TRIM62: variants seen among roughly 807,000 people sequenced by gnomAD.
The protein encoded by TRIM62 is E3 ubiquitin-protein ligase TRIM62.
A neutral mutation model predicts 44.2 loss-of-function variants in TRIM62; 39 were observed. That is an observed-to-expected ratio of 0.88 (90% CI 0.68 to 1.15). TRIM62 has a LOEUF of 1.15. Ranked by LOEUF, TRIM62 falls within the 50% of genes most tolerant of loss-of-function variation. The probability of loss-of-function intolerance (pLI) is 0.00; values close to 1 mark genes in which losing one functional copy is unlikely to be tolerated. For synonymous variants in TRIM62, 278 were observed against 292.3 expected (o/e 0.95, Z 0.50); for missense variants, 544 against 665.5 (o/e 0.82, Z 2.01).
chr1:33,166,869 T>C (rs1645333356), intron 1 of TRIM62, among the ~76,000 whole-genome samples: 2 of 152,228 alleles, frequency 1.3e-5, no homozygotes, highest in Non-Finnish European at 2.9e-5. Flanking sequence ...TTGTTTGAAA[T>C]GTTGAATTTT....
At chr1:33,180,233 A>T (rs987627425) in intron 1 of TRIM62, among the ~76,000 whole-genome samples, 1 of 151,668 alleles carries the variant, frequency 6.6e-6, no homozygotes, top group Non-Finnish European at 1.5e-5. Flanking sequence ...ACCTCTAGAG[A>T]CTCCTAGAGG....
chr1:33,152,573 GAA>G lies in TRIM62; in HGVS notation c.878-4848_878-4847del, dbSNP rs34380913. Among the ~76,000 whole-genome samples the G allele has an allele frequency of 3.8e-3, 387 of 102,834 alleles. 1 individual carries two copies. The highest frequency in any genetic ancestry group is 0.013 in the African/African-American group (329 of 25,178). The allele number at this position is 102,834 out of a possible 152,430, so 67.5% of individuals were successfully genotyped here. On this transcript the variant is annotated intron_variant, in intron 4 of 4. Coordinates refer to ENST00000291416, the MANE Select transcript of TRIM62 (RefSeq NM_018207.3). ...CAAGAGTGAAACTCCGTCTCAAAAAGAAAAAAAAAAAAAAAAAAGACTGGGGA... is the reference window on the plus strand; with the variant it reads ...CAAGAGTGAAACTCCGTCTCAAAAAGAAAAAAAAAAAAAAAAGACTGGGGA...
chr1:33,174,276 G>A (rs1645396688), intron 1 of TRIM62, among the ~76,000 whole-genome samples: 1 of 152,000 alleles, frequency 6.6e-6, no homozygotes, highest in Non-Finnish European at 1.5e-5. Flanking sequence ...CAACCTCCTG[G>A]GCTCAAGTGA....
chr1:33,151,356 C>A (rs112163113), intron 4 of TRIM62, among the ~76,000 whole-genome samples: 2 of 152,072 alleles, frequency 1.3e-5, no homozygotes, highest in Non-Finnish European at 2.9e-5. Context: ...GACTTCTATA[C>A]CCCAAGGGGT....
intron 4 of TRIM62, among the ~76,000 whole-genome samples, chr1:33,151,400 G>A (rs1050150709): frequency 3.3e-5 from 5 of 152,114 alleles, no homozygotes; most frequent in African/African-American, 1.2e-4. Context: ...CCTGGCTGAA[G>A]CCACCTCCAA....
chr1:33,166,814 C>T (rs1645332872), intron 1 of TRIM62, among the ~76,000 whole-genome samples: 1 of 152,222 alleles, frequency 6.6e-6, no homozygotes, highest in Non-Finnish European at 1.5e-5. Flanking sequence ...TCCTTTGTCT[C>T]AGGTTCCAGT....
chr1:33,179,776 T>G (rs1645446366), intron 1 of TRIM62, among the ~76,000 whole-genome samples: 1 of 152,136 alleles, frequency 6.6e-6, no homozygotes, highest in Non-Finnish European at 1.5e-5. Context: ...TGGATTTAAG[T>G]GATTTAGCTT....
intron 1 of TRIM62, among the ~76,000 whole-genome samples, chr1:33,170,962 G>A (rs573711964): frequency 4.1e-4 from 62 of 152,324 alleles, no homozygotes; most frequent in African/African-American, 1.2e-3. Flanking sequence ...ACTGTGTCCC[G>A]TATGCGGCTC....
At position 33,159,544 on chromosome 1, in the gene TRIM62, A is replaced by G. The variant is rs923475603; in HGVS notation, c.761+144T>C. The G allele has an allele frequency of 4.0e-6, 5 of 1,236,362 alleles. No homozygotes were observed. The highest frequency in any genetic ancestry group is 1.6e-5 in the South Asian group (1 of 64,002). 76.6% of individuals were successfully genotyped at this position (1,236,362 alleles called of 1,614,324 possible). On this transcript the variant is annotated intron_variant, in intron 3 of 4. Coordinates refer to ENST00000291416, the MANE Select transcript of TRIM62 (RefSeq NM_018207.3). The surrounding 1 kb of genome is among the most constrained non-coding windows in gnomAD (Gnocchi z 4.2). ...TACTCAAGGCTTCATGCTCCTACCC[A>G]TAGCAGATGTCCCGTAAATGTTTGA...
intron 2 of TRIM62, among the ~76,000 whole-genome samples, chr1:33,160,636 G>C (rs72885925): frequency 0.21 from 31,547 of 151,908 alleles, 3,488 homozygotes; most frequent in South Asian, 0.3. Flanking sequence ...AACACCTGAC[G>C]TTAGGTGATC....
rs1199939512 is a variant in TRIM62 at position 33,167,194 on chromosome 1, G to A, written c.409-1628C>T. On this transcript the variant is annotated intron_variant, in intron 1 of 4. Transcript: ENST00000291416. The surrounding 1 kb of genome is among the most constrained non-coding windows in gnomAD (Gnocchi z 4.2). ...GAAGAGTCTTGCCTGACCGCCCCACGCACAGTGGCACCTCCTCATACCCTG... is the reference window on the plus strand; with the variant it reads ...GAAGAGTCTTGCCTGACCGCCCCACACACAGTGGCACCTCCTCATACCCTG... 6.6e-6 allele frequency among the ~76,000 whole-genome samples: 1 copy of A among 152,090 alleles called. No homozygotes were observed. Among genetic ancestry groups the A allele is most frequent in the Non-Finnish European group, 1.5e-5 (1 of 68,012 alleles).
chr1:33,176,376 T>C (rs934194496), intron 1 of TRIM62: 6 of 679,838 alleles, frequency 8.8e-6, no homozygotes, highest in Non-Finnish European at 1.6e-5. Flanking sequence ...GGTGGCTGCC[T>C]TGGTGTCACT....
chr1:33,172,319 C>T (rs1404550171), intron 1 of TRIM62, among the ~76,000 whole-genome samples: 1 of 152,124 alleles, frequency 6.6e-6, no homozygotes, highest in Non-Finnish European at 1.5e-5. Context: ...CTTCAAGTCT[C>T]CAGGATGGGC....
intron 4 of TRIM62, among the ~76,000 whole-genome samples, chr1:33,155,525 G>A (rs939305129): frequency 1.2e-4 from 18 of 152,128 alleles, no homozygotes; most frequent in Admixed American, 3.3e-4. Context: ...TTCCTGGTGT[G>A]TGTGAGGTCA....
In TRIM62 at chr1:33,181,995, C is replaced by G. The variant is rs1645469457; in HGVS notation, c.-563G>C. ...CCCTGGCCCAGCGCGACCCCTTACC[C>G]CCGCGAGCTTAGCAGCCACCGCTTC... is the stretch of plus-strand genomic sequence containing the variant. On this transcript the variant is annotated 5_prime_UTR_variant, in exon 1 of 5. Transcript: ENST00000291416. This position sits in a 1 kb window ranked among gnomAD's most constrained non-coding sequence, Gnocchi z 6.5. The G allele has an allele frequency of 6.5e-6, 1 of 154,274 alleles. No individual in the cohort carries two copies. The highest frequency in any genetic ancestry group is 1.9e-4 in the South Asian group (1 of 5,274). 9.6% of individuals were successfully genotyped at this position (154,274 alleles called of 1,614,324 possible). A position where few individuals can be genotyped will look rare whatever the true frequency, so the allele number is the denominator to read the frequency against.
intron 1 of TRIM62, among the ~76,000 whole-genome samples, chr1:33,175,958 T>C (rs556339170): frequency 6.6e-6 from 1 of 152,336 alleles, no homozygotes; most frequent in East Asian, 1.9e-4. Flanking sequence ...CCTAAGCTTC[T>C]ACACTGTGGC....
rs1645469107 is a variant in TRIM62 at position 33,181,953 on chromosome 1, C to T, written c.-521G>A. ...GAGGGGTGCCGGCCCGCTCAGCTGC[C>T]GGATCCCGGCCCCAAACCCTGGCCC... On this transcript the variant is annotated 5_prime_UTR_variant, in exon 1 of 5. Transcript: ENST00000291416. The surrounding 1 kb of genome is among the most constrained non-coding windows in gnomAD (Gnocchi z 6.5). The T allele has an allele frequency of 1.3e-5, 2 of 155,326 alleles. No individual in the cohort carries two copies. The highest frequency in any genetic ancestry group is 6.4e-5 in the Admixed American group (1 of 15,624). 9.6% of individuals were successfully genotyped at this position (155,326 alleles called of 1,614,324 possible).
At chr1:33,168,387 C>CT (rs5773395) in intron 1 of TRIM62, among the ~76,000 whole-genome samples, 106,049 of 150,464 alleles carry the variant, frequency 0.7, 37,434 homozygotes, top group Admixed American at 0.74. Flanking sequence ...CTGAGAAAAA[C>CT]TTTTTTTTTT....
Position 33,181,114 on chromosome 1 carries a change from G to C in TRIM62, c.319C>G (p.Arg107Gly). 1 of 1,600,216 alleles carries C rather than the reference G, an allele frequency of 6.2e-7. No homozygotes were observed. The highest frequency in any genetic ancestry group is 1.3e-5 in the African/African-American group (1 of 74,988). ...TCGCAGAAGAAGCAGAGAAGCGCGC[G>C]GTCCGTGAGGCAGAAGAGCTTGACC... ...DKVKLFCLTD[R>G]ALLCFFCDEP... Residue 107 changes from arginine to glycine, a missense_variant, in exon 1 of 5, where the codon CGC becomes GGC. By Grantham distance (125) the Arg-to-Gly change is moderately radical. Coordinates refer to ENST00000291416, the MANE Select transcript of TRIM62 (RefSeq NM_018207.3). The surrounding 1 kb of genome is among the most constrained non-coding windows in gnomAD (Gnocchi z 6.5).
Sources: gnomAD v4.1 joint callset for allele counts (sites outside exome capture counted in the v4.1 genomes callset) on GRCh38, gnomAD v4.1.1 for gene constraint, Gnocchi (gnomAD v3.1) non-coding constraint, MANE v1.5 for transcripts, NCBI Gene and HGNC (gene_info 2026-07-23, HGNC 2026-07-21) for gene names.